Variants in FAR2 observed in about 807,000 individuals in gnomAD.
FAR2 encodes the protein epididymis secretory protein Li 81.
Under a neutral mutation model 56.0 loss-of-function variants are expected in FAR2, and 19 were observed. The observed-to-expected ratio is 0.34, with a 90% CI of 0.24 to 0.50. The LOEUF is 0.50. FAR2 is among the 20% of genes least tolerant of loss of function. The pLI, the probability that FAR2 is intolerant of heterozygous loss-of-function variation, is 0.98. For synonymous variants in FAR2, 219 were observed against 218.8 expected (o/e 1.00, Z -0.01); for missense variants, 508 against 642.2 (o/e 0.79, Z 2.26).
chr12:29,176,687 A>G (rs1317882255), intron 1 of FAR2, among the ~76,000 whole-genome samples: 4 of 152,248 alleles, frequency 2.6e-5, no homozygotes, highest in Non-Finnish European at 5.9e-5. Flanking sequence ...CTATAAATAT[A>G]GTATAAAGAA....
chr12:29,295,880 T>C (rs1163427394), intron 3 of FAR2, among the ~76,000 whole-genome samples: 1 of 148,562 alleles, frequency 6.7e-6, no homozygotes, highest in African/African-American at 2.5e-5. Flanking sequence ...GCCATTCTCC[T>C]GCCTCAGCCT....
intron 1 of FAR2, among the ~76,000 whole-genome samples, chr12:29,208,809 T>TA (rs1947506968): frequency 6.6e-6 from 1 of 152,200 alleles, no homozygotes; most frequent in Non-Finnish European, 1.5e-5. Context: ...CTGGAGTGTT[T>TA]ATCTGAAACC....
rs749759025 is a variant in FAR2 at position 29,333,725 on chromosome 12, G to T, written c.1479G>T (p.Trp493Cys). ...IARSQMARNV[W>C]FFIVSFCYKF... The stretch of plus-strand genomic sequence containing the variant: ...GATCTCAGATGGCTCGGAATGTCTG[G>T]TTCTTCATTGTAAGCTTCTGTTATA... Residue 493 changes from tryptophan (W) to cysteine (C), a missense_variant, in exon 12 of 12, where the codon TGG becomes TGT. Trp to Cys is a radical substitution (Grantham distance 215). Transcript: ENST00000536681. 3 of 1,613,824 alleles carry T rather than the reference G, an allele frequency of 1.9e-6. No individual in the cohort carries two copies. The highest frequency in any genetic ancestry group is 2.5e-6 in the Non-Finnish European group (3 of 1,179,780).
At chr12:29,287,806 T>G (rs552749475) in intron 2 of FAR2, among the ~76,000 whole-genome samples, 40 of 152,294 alleles carry the variant, frequency 2.6e-4, no homozygotes, top group African/African-American at 8.4e-4. Flanking sequence ...CTGTGGATAC[T>G]TACAAAATGA....
intron 1 of FAR2, among the ~76,000 whole-genome samples, chr12:29,216,777 C>A (rs1947626452): frequency 6.6e-6 from 1 of 151,924 alleles, no homozygotes; most frequent in Non-Finnish European, 1.5e-5. Context: ...AAAAATATAC[C>A]AAAATATAAG....
intron 1 of FAR2, among the ~76,000 whole-genome samples, chr12:29,256,749 C>T (rs1948324554): frequency 6.6e-6 from 1 of 152,198 alleles, no homozygotes; most frequent in Admixed American, 6.5e-5. Flanking sequence ...ACTCGGCCGG[C>T]CCTGCCAGCC....
intron 1 of FAR2, among the ~76,000 whole-genome samples, chr12:29,193,608 C>T (rs1157898661): frequency 6.6e-6 from 1 of 152,128 alleles, no homozygotes; most frequent in African/African-American, 2.4e-5. Context: ...AATTATATTC[C>T]ATTGTCTAAA....
At chr12:29,228,615 T>C (rs1177429188) in intron 1 of FAR2, among the ~76,000 whole-genome samples, 1 of 152,102 alleles carries the variant, frequency 6.6e-6, no homozygotes, top group East Asian at 1.9e-4. Context: ...TACAGTCGAG[T>C]CTGGCTCTAT....
intron 1 of FAR2, among the ~76,000 whole-genome samples, chr12:29,238,209 A>G (rs1947970044): frequency 7.5e-6 from 1 of 134,094 alleles, no homozygotes; most frequent in Non-Finnish European, 1.7e-5. Flanking sequence ...TATATGCGTA[A>G]GGCCAGATTT....
intron 9 of FAR2, among the ~76,000 whole-genome samples, chr12:29,318,161 A>G (rs2136805213): frequency 6.6e-6 from 1 of 152,348 alleles, no homozygotes; most frequent in African/African-American, 2.4e-5. Context: ...AGTCTTCTTC[A>G]GCGTGTTTGT....
chr12:29,177,549 G>A (rs902224034), intron 1 of FAR2, among the ~76,000 whole-genome samples: 2 of 152,126 alleles, frequency 1.3e-5, no homozygotes, highest in African/African-American at 2.4e-5. Flanking sequence ...GCTATCCTAG[G>A]GTTTTCTCCG....
At chr12:29,183,457 A>G (rs1464123813) in intron 1 of FAR2, among the ~76,000 whole-genome samples, 1 of 152,162 alleles carries the variant, frequency 6.6e-6, no homozygotes, top group African/African-American at 2.4e-5. Flanking sequence ...ATTCGAACTC[A>G]AGATCTTCCT....
intron 1 of FAR2, among the ~76,000 whole-genome samples, chr12:29,154,423 TTTGTTTTG>T (rs1218408293): frequency 2.6e-5 from 3 of 116,662 alleles, no homozygotes; most frequent in South Asian, 2.5e-4. Flanking sequence ...TGTTTTTTTT[TTTGTTTTG>T]TTTTGTTTTG....
chr12:29,312,331 G>A (rs1359853570), intron 8 of FAR2, among the ~76,000 whole-genome samples: 1 of 152,076 alleles, frequency 6.6e-6, no homozygotes, highest in Non-Finnish European at 1.5e-5. Context: ...CTGAGAATGC[G>A]ACATCATCAA....
chr12:29,331,724 T>G (rs939752414), intron 10 of FAR2: 5 of 152,068 alleles, frequency 3.3e-5, no homozygotes, highest in Admixed American at 6.5e-5. Flanking sequence ...TCCTAACTCA[T>G]CCTATCTCCA....
chr12:29,249,120 T>TCAC (rs1948170857), intron 1 of FAR2, among the ~76,000 whole-genome samples: 1 of 152,188 alleles, frequency 6.6e-6, no homozygotes, highest in Non-Finnish European at 1.5e-5. Context: ...GCATAGGAAA[T>TCAC]CACCAGGGTA....
At chr12:29,261,267 A>G (rs1948414017) in intron 1 of FAR2, among the ~76,000 whole-genome samples, 1 of 152,232 alleles carries the variant, frequency 6.6e-6, no homozygotes, top group Non-Finnish European at 1.5e-5. Flanking sequence ...GAAATTCTGG[A>G]GCTGAAAAAT....
At chr12:29,277,186 C>T (rs1054759522) in intron 2 of FAR2, among the ~76,000 whole-genome samples, 7 of 152,146 alleles carry the variant, frequency 4.6e-5, no homozygotes, top group African/African-American at 1.7e-4. Context: ...CCATCGTGGC[C>T]AGGCTGGTCT....
chr12:29,221,321 C>T (rs1046649900), intron 1 of FAR2, among the ~76,000 whole-genome samples: 2 of 152,022 alleles, frequency 1.3e-5, no homozygotes, highest in African/African-American at 2.4e-5. Context: ...ACCACCTGAC[C>T]ATCATCTGAT....
Sources: allele counts gnomAD v4.1 joint callset (sites outside exome capture counted in the v4.1 genomes callset), GRCh38; gene constraint gnomAD v4.1.1; transcripts MANE v1.5; gene names NCBI Gene and HGNC (gene_info 2026-07-23, HGNC 2026-07-21).